The following OXR1 variants were observed in gnomAD, a reference collection of about 807,000 sequenced individuals.
OXR1 encodes oxidation resistance protein 1.
In OXR1, 41 loss-of-function variants were observed where a neutral mutation model predicts 104.6. That is an observed-to-expected ratio of 0.39 (90% CI 0.31 to 0.51). OXR1 has a LOEUF of 0.51. Ranked by LOEUF, OXR1 falls within the 20% of genes least tolerant of loss-of-function variation. OXR1 has a pLI of 0.77. For synonymous variants in OXR1, 348 were observed against 348.4 expected (o/e 1.00, Z 0.01); for missense variants, 955 against 1,031.9 (o/e 0.93, Z 1.02).
intron 2 of OXR1, among the ~76,000 whole-genome samples, chr8:106,466,070 AAT>A (rs1821156727): frequency 6.6e-6 from 1 of 151,976 alleles, no homozygotes; most frequent in East Asian, 1.9e-4. Flanking sequence ...ATAAACTTCT[AAT>A]AGTCCACATA....
chr8:106,397,590 A>G (rs1484833671), intron 2 of OXR1, among the ~76,000 whole-genome samples: 2 of 152,070 alleles, frequency 1.3e-5, no homozygotes, highest in Non-Finnish European at 2.9e-5. Context: ...TGAAATAAAT[A>G]AAGTATTGAT....
At chr8:106,711,406 C>G (rs899780026) in intron 10 of OXR1, among the ~76,000 whole-genome samples, 1 of 152,098 alleles carries the variant, frequency 6.6e-6, no homozygotes, top group Non-Finnish European at 1.5e-5. Context: ...GACATTGCAT[C>G]ATTACTTTTT....
intron 3 of OXR1, among the ~76,000 whole-genome samples, chr8:106,593,700 C>CT (rs1282456303): frequency 6.6e-6 from 1 of 152,188 alleles, no homozygotes; most frequent in South Asian, 2.1e-4. Flanking sequence ...TGGCGTGAAC[C>CT]AGGAGGCAGA....
Position 106,684,231 on chromosome 8 carries a change from A to G in OXR1, c.412-15A>G. 2 of 1,277,592 alleles carry G rather than the reference A, an allele frequency of 1.6e-6. No homozygotes were observed. The highest frequency in any genetic ancestry group is 2.3e-6 in the Non-Finnish European group (2 of 877,502). The allele number at this position is 1,277,592 out of a possible 1,614,324, so 79.1% of individuals were successfully genotyped here. ...TTCATTTTAACTAAATCTTTGTGTGAATGTTTTCTTACAGGTTCTGTATGT... is the reference window on the plus strand; with the variant it reads ...TTCATTTTAACTAAATCTTTGTGTGGATGTTTTCTTACAGGTTCTGTATGT... On this transcript the variant is annotated splice_polypyrimidine_tract_variant and intron_variant, in intron 5 of 16. Coordinates refer to ENST00000517566, the MANE Select transcript of OXR1 (RefSeq NM_001198533.2).
chr8:106,345,502 A>C (rs1815441634), intron 1 of OXR1, among the ~76,000 whole-genome samples: 1 of 152,224 alleles, frequency 6.6e-6, no homozygotes, highest in South Asian at 2.1e-4. Context: ...CATTTATATA[A>C]GTGCAAGAAT....
chr8:106,692,712 TAAAA>T lies in OXR1; in HGVS notation c.526-5_526-2del. 8.6e-6 allele frequency: 10 copies of T among 1,167,808 alleles called. No individual in the cohort carries two copies. The highest frequency in any genetic ancestry group is 1.1e-5 in the Non-Finnish European group (10 of 881,684). The allele number at this position is 1,167,808 out of a possible 1,614,324, so 72.3% of individuals were successfully genotyped here. On this transcript the variant is annotated splice_polypyrimidine_tract_variant and intron_variant, in intron 6 of 16. Coordinates refer to ENST00000517566, the MANE Select transcript of OXR1 (RefSeq NM_001198533.2). ...TTTCTGCTTTTTTTTTTCTTTCCTT[TAAAA>T]AAAAAAAAAAGAATCCTGATGTCCA...
At chr8:106,701,289 T>C (rs1001263461) in intron 7 of OXR1, among the ~76,000 whole-genome samples, 1 of 152,238 alleles carries the variant, frequency 6.6e-6, no homozygotes, top group African/African-American at 2.4e-5. Flanking sequence ...CTCTCCAATA[T>C]TGTGTGCATT....
At chr8:106,658,540 A>G (rs72682834) in intron 3 of OXR1, among the ~76,000 whole-genome samples, 20,062 of 152,132 alleles carry the variant, frequency 0.13, 1,595 homozygotes, top group Non-Finnish European at 0.18. Context: ...CCGTGTTTTC[A>G]GTCTTGGATT....
intron 3 of OXR1, among the ~76,000 whole-genome samples, chr8:106,610,030 C>A (rs1465835376): frequency 6.6e-6 from 1 of 151,946 alleles, no homozygotes; most frequent in African/African-American, 2.4e-5. Flanking sequence ...AAACTCTAGA[C>A]CCATAAATCC....
At chr8:106,660,912 C>T (rs1211949947) in intron 3 of OXR1, among the ~76,000 whole-genome samples, 4 of 152,122 alleles carry the variant, frequency 2.6e-5, no homozygotes, top group Admixed American at 2.6e-4. Flanking sequence ...ACCCGGGAGG[C>T]TGAGGCAGGA....
intron 7 of OXR1, among the ~76,000 whole-genome samples, chr8:106,702,009 G>A (rs1386006370): frequency 6.6e-6 from 1 of 152,122 alleles, no homozygotes; most frequent in Non-Finnish European, 1.5e-5. Context: ...TCACTCTGTT[G>A]CCCAGGCTGG....
chr8:106,546,356 C>G (rs1815358388), intron 3 of OXR1, among the ~76,000 whole-genome samples: 1 of 152,170 alleles, frequency 6.6e-6, no homozygotes, highest in Admixed American at 6.5e-5. Flanking sequence ...GGATCTAACA[C>G]AGTGGACTTG....
At chr8:106,321,561 A>G (rs1318498824) in intron 1 of OXR1, among the ~76,000 whole-genome samples, 2 of 152,168 alleles carry the variant, frequency 1.3e-5, no homozygotes, top group Admixed American at 1.3e-4. Flanking sequence ...TGTTAAGACT[A>G]TTTAGTAAAG....
intron 11 of OXR1, among the ~76,000 whole-genome samples, chr8:106,729,454 A>T (rs1833671617): frequency 6.6e-6 from 1 of 152,108 alleles, no homozygotes; most frequent in Non-Finnish European, 1.5e-5. Context: ...CATTTGAAGA[A>T]TCAGAAATGG....
intron 2 of OXR1, among the ~76,000 whole-genome samples, chr8:106,438,804 T>A (rs1309071466): frequency 6.6e-6 from 1 of 152,078 alleles, no homozygotes; most frequent in East Asian, 1.9e-4. Context: ...GTCCAATAAG[T>A]GTGGAATTAG....
intron 3 of OXR1, among the ~76,000 whole-genome samples, chr8:106,639,759 A>C (rs1586946745): frequency 6.6e-6 from 1 of 152,328 alleles, no homozygotes; most frequent in East Asian, 1.9e-4. Flanking sequence ...CCTAGTGTAT[A>C]AACTATTGAT....
At chr8:106,690,946 T>G (rs2131283370) in intron 6 of OXR1, among the ~76,000 whole-genome samples, 1 of 152,032 alleles carries the variant, frequency 6.6e-6, no homozygotes, top group Non-Finnish European at 1.5e-5. Context: ...TTCTACAAAT[T>G]TTCAATCGCA....
intron 2 of OXR1, among the ~76,000 whole-genome samples, chr8:106,489,343 CG>C (rs1396917908): frequency 6.6e-6 from 1 of 152,100 alleles, no homozygotes; most frequent in African/African-American, 2.4e-5. Flanking sequence ...TTGGCAGAGA[CG>C]GGATAAGCCC....
chr8:106,715,536 C>G (rs776956), intron 11 of OXR1, among the ~76,000 whole-genome samples: 2 of 151,166 alleles, frequency 1.3e-5, no homozygotes, highest in East Asian at 3.9e-4. Flanking sequence ...ATCAAAGATA[C>G]GTACCTAACT....
Sources: allele counts gnomAD v4.1 joint callset (sites outside exome capture counted in the v4.1 genomes callset), GRCh38; gene constraint gnomAD v4.1.1; transcripts MANE v1.5; gene names NCBI Gene and HGNC (gene_info 2026-07-23, HGNC 2026-07-21).